The following TLE1 variants were observed in gnomAD, a reference collection of about 807,000 sequenced individuals.
TLE1 encodes TLE family member 1, transcriptional corepressor.
A neutral mutation model predicts 89.8 loss-of-function variants in TLE1; 21 were observed. The ratio of observed to expected loss-of-function variants is 0.23; its 90% confidence interval spans 0.17 to 0.34. The LOEUF (loss-of-function observed/expected upper bound fraction) is 0.34. TLE1 is among the 10% of genes least tolerant of loss of function. The pLI, the probability that TLE1 is intolerant of heterozygous loss-of-function variation, is 1.00. For synonymous variants in TLE1, 447 were observed against 407.6 expected (o/e 1.10, Z -1.16); for missense variants, 795 against 1,031.2 (o/e 0.77, Z 3.14).
At chr9:81,675,089 A>G (rs1477965246) in intron 4 of TLE1, among the ~76,000 whole-genome samples, 3 of 152,204 alleles carry the variant, frequency 2.0e-5, no homozygotes, top group Non-Finnish European at 4.4e-5. Context: ...GAAAGGCCTG[A>G]TCCTCTATCA....
At chr9:81,643,500 T>G (rs963990229) in intron 6 of TLE1, among the ~76,000 whole-genome samples, 7 of 152,256 alleles carry the variant, frequency 4.6e-5, no homozygotes, top group African/African-American at 1.7e-4. Flanking sequence ...CCTCCCAAAG[T>G]GCTGGGATTA....
intron 8 of TLE1, among the ~76,000 whole-genome samples, chr9:81,629,039 A>G (rs2132289962): frequency 6.6e-6 from 1 of 152,280 alleles, no homozygotes; most frequent in Admixed American, 6.5e-5. Context: ...CTAGCTAGGT[A>G]TTTCAGTGCC....
intron 4 of TLE1, among the ~76,000 whole-genome samples, chr9:81,658,850 A>C (rs1427684142): frequency 6.6e-6 from 1 of 152,126 alleles, no homozygotes; most frequent in Non-Finnish European, 1.5e-5. Flanking sequence ...AAGATTCTTA[A>C]TTTAGCACAA....
chr9:81,657,356 G>A (rs1243638428), intron 4 of TLE1, among the ~76,000 whole-genome samples: 1 of 152,124 alleles, frequency 6.6e-6, no homozygotes, highest in African/African-American at 2.4e-5. Flanking sequence ...GTAAAGATTA[G>A]AACACATCAA....
In TLE1 at chr9:81,610,233, G is replaced by A. The variant is rs760568080; in HGVS notation, c.1318C>T (p.Pro440Ser). 2 of 1,613,880 alleles carry A rather than the reference G, an allele frequency of 1.2e-6. No homozygotes were observed. The highest frequency in any genetic ancestry group is 1.7e-6 in the Non-Finnish European group (2 of 1,179,942). Residue 440 changes from proline to serine, a missense_variant, in exon 14 of 20, where the codon CCT becomes TCT. This residue lies in a region of TLE1 where 468 missense variants were observed against 509.1 expected (regional missense o/e 0.92). Coordinates refer to ENST00000376499, the MANE Select transcript of TLE1 (RefSeq NM_005077.5). ...PTIPPNLAGIPGGKPAYSFHV... is the reference protein window; with the variant it reads ...PTIPPNLAGISGGKPAYSFHV... ...TGAGGTACTTACGGTTTCCCCCCAG[G>A]GATTCCTGCCAGGTTTGGAGGAATG...
intron 18 of TLE1, among the ~76,000 whole-genome samples, chr9:81,585,043 C>A (rs1828178587): frequency 6.6e-6 from 1 of 152,116 alleles, no homozygotes; most frequent in South Asian, 2.1e-4. Flanking sequence ...CTGCAGCACA[C>A]AAGAAGGGTC....
intron 8 of TLE1, among the ~76,000 whole-genome samples, chr9:81,631,786 A>C (rs1826645906): frequency 6.6e-6 from 1 of 152,230 alleles, no homozygotes; most frequent in Non-Finnish European, 1.5e-5. Flanking sequence ...TTTAAATTTG[A>C]CACTCTACTG....
At chr9:81,584,659 G>C in intron 18 of TLE1, 135 bp from the exon 19 acceptor site, 1 of 754,472 alleles carries the variant, frequency 1.3e-6, no homozygotes, top group South Asian at 1.8e-5. Context: ...TCCATGATAT[G>C]AACAGAGGTT....
chr9:81,653,224 C>T (rs1829770988), intron 5 of TLE1, among the ~76,000 whole-genome samples: 1 of 152,152 alleles, frequency 6.6e-6, no homozygotes, highest in Non-Finnish European at 1.5e-5. Flanking sequence ...GCAACAGGTG[C>T]CAACCAGGAT....
chr9:81,624,884 C>T (rs112228768), intron 8 of TLE1, among the ~76,000 whole-genome samples: 2 of 152,170 alleles, frequency 1.3e-5, no homozygotes, highest in African/African-American at 4.8e-5. Context: ...GGCAAATCAG[C>T]TGAAAACACA....
Position 81,620,523 on chromosome 9 carries a change from C to A in TLE1, c.629G>T (p.Gly210Val). The change falls in exon 9 of 20, where the codon GGC becomes GTC. Residue 210 changes from glycine to valine, a missense_variant. By Grantham distance (109) the Gly-to-Val change is moderately radical. Around this residue, in one of 4 missense-constraint regions of TLE1, gnomAD observed 468 missense variants for 509.1 expected, o/e 0.92. Transcript: ENST00000376499. ...NSLLVPDSLR[G>V]TDKRRNGPEF... ...AGGTCCATTTCTGCGTTTATCTGTG[C>A]CTCTTAGACTGTCTGGGACCAGGAG... 6.2e-7 allele frequency: 1 copy of A among 1,613,864 alleles called. No homozygotes were observed. Among genetic ancestry groups the A allele is most frequent in the Non-Finnish European group, 8.5e-7 (1 of 1,179,948 alleles).
rs1488986415 is a variant in TLE1 at position 81,634,313 on chromosome 9, G to C, written c.373-12C>G. On this transcript the variant is annotated splice_polypyrimidine_tract_variant and intron_variant, in intron 6 of 19. Coordinates refer to ENST00000376499, the MANE Select transcript of TLE1 (RefSeq NM_005077.5). Reference sequence around the variant, plus strand: ...TGCAACTGCTGCTGCTGTTGGTGGTGGTGGTGAGAGAGAAAAAGGAGGAGG... The same window carrying C: ...TGCAACTGCTGCTGCTGTTGGTGGTCGTGGTGAGAGAGAAAAAGGAGGAGG... The C allele has an allele frequency of 1.3e-6, 2 of 1,485,910 alleles. No homozygotes were observed. The highest frequency in any genetic ancestry group is 1.4e-5 in the African/African-American group (1 of 71,984). 92.0% of individuals were successfully genotyped at this position (1,485,910 alleles called of 1,614,324 possible).
Position 81,678,249 on chromosome 9 carries a change from T to C in TLE1, c.234+7427A>G, listed in dbSNP as rs373978146. Reference sequence around the variant, plus strand: ...CTGAGACAAGGTCTTGCTTGTGTCATACAGTCTAGAGTACAGAGGTGTGAT... The same window carrying C: ...CTGAGACAAGGTCTTGCTTGTGTCACACAGTCTAGAGTACAGAGGTGTGAT... On this transcript the variant is annotated intron_variant, in intron 4 of 19. Coordinates refer to ENST00000376499, the MANE Select transcript of TLE1 (RefSeq NM_005077.5). Among the ~76,000 whole-genome samples, 128 of 152,288 alleles carry C rather than the reference T, an allele frequency of 8.4e-4. 3 individuals carry two copies. The South Asian group carries it at 0.026, about 31-fold the overall frequency.
chr9:81,684,883 C>G lies in TLE1; in HGVS notation c.234+793G>C, dbSNP rs547154252. Among the ~76,000 whole-genome samples, 10 of 152,268 alleles carry G rather than the reference C, an allele frequency of 6.6e-5. No homozygotes were observed. In the South Asian group the frequency reaches 2.1e-3, roughly 32 times the overall value. ...GACAATGACTACTCAATCGAGGGTC[C>G]TTTGGGCTGAGCAATCATTTAGCTT... On this transcript the variant is annotated intron_variant, in intron 4 of 19. Transcript: ENST00000376499.
intron 6 of TLE1, among the ~76,000 whole-genome samples, chr9:81,645,597 A>G (rs976277821): frequency 2.0e-5 from 3 of 151,634 alleles, no homozygotes; most frequent in African/African-American, 7.3e-5. Context: ...AAAATTAGCC[A>G]GGCGTGGTGG....
At chr9:81,640,289 A>G (rs1365538369) in intron 6 of TLE1, among the ~76,000 whole-genome samples, 2 of 150,414 alleles carry the variant, frequency 1.3e-5, no homozygotes, top group Admixed American at 1.3e-4. Flanking sequence ...ACTATTCAAC[A>G]TTCAATCACA....
intron 14 of TLE1, among the ~76,000 whole-genome samples, chr9:81,601,066 T>G (rs997534257): frequency 3.3e-5 from 5 of 152,168 alleles, no homozygotes; most frequent in African/African-American, 1.2e-4. Flanking sequence ...CATATCCATA[T>G]CTATAGTTTA....
At chr9:81,585,837 A>G (rs1828330779) in intron 17 of TLE1, among the ~76,000 whole-genome samples, 182 bp from the exon 18 acceptor site, 1 of 152,180 alleles carries the variant, frequency 6.6e-6, no homozygotes. Context: ...AACCTTTAGG[A>G]AACTGGAAAC....
chr9:81,595,686 G>A (rs1045736900), intron 14 of TLE1, among the ~76,000 whole-genome samples: 1 of 151,930 alleles, frequency 6.6e-6, no homozygotes, highest in Non-Finnish European at 1.5e-5. Flanking sequence ...GGGTATGGTG[G>A]CGGGCGCTTG....
Sources: gnomAD v4.1 joint callset for allele counts (sites outside exome capture counted in the v4.1 genomes callset) on GRCh38, gnomAD v4.1.1 for gene constraint, gnomAD v4.1.1 regional missense constraint, MANE v1.5 for transcripts, NCBI Gene and HGNC (gene_info 2026-07-23, HGNC 2026-07-21) for gene names.